ZFHX3: variants seen among roughly 807,000 people sequenced by gnomAD.
ZFHX3 encodes zinc finger homeobox protein 3.
In ZFHX3, 42 loss-of-function variants were observed where a neutral mutation model predicts 279.1. That is an observed-to-expected ratio of 0.15 (90% confidence interval 0.12 to 0.19). The LOEUF (loss-of-function observed/expected upper bound fraction) is 0.19. Among genes scored for constraint, ZFHX3 ranks in the 10% least tolerant of loss-of-function variants. The pLI is 1.00. For synonymous variants in ZFHX3, 2,293 were observed against 1,957.8 expected (o/e 1.17, Z -4.52); for missense variants, 4,981 against 4,754.0 (o/e 1.05, Z -1.40).
chr16:73,241,156 A>G (rs890090102), intron 5 of ZFHX3, among the ~76,000 whole-genome samples: 16 of 152,346 alleles, frequency 1.1e-4, no homozygotes, highest in African/African-American at 3.4e-4. Context: ...GCGAAATGAC[A>G]GATGACTCAC....
At chr16:72,991,712 AGACTTGTCCAT>A (rs1597064005) in intron 1 of ZFHX3, among the ~76,000 whole-genome samples, 1 of 152,216 alleles carries the variant, frequency 6.6e-6, no homozygotes, top group East Asian at 1.9e-4. Flanking sequence ...AGAAGCAGAG[AGACTTGTCCAT>A]GGTCACACAC....
At chr16:73,107,843 C>A (rs1442671324) in intron 7 of ZFHX3, among the ~76,000 whole-genome samples, 1 of 152,142 alleles carries the variant, frequency 6.6e-6, no homozygotes, top group African/African-American at 2.4e-5. Context: ...AGTGAGACTT[C>A]GTCTCTACAG....
chr16:72,966,431 G>C (rs1176383274), intron 1 of ZFHX3, among the ~76,000 whole-genome samples: 1 of 152,208 alleles, frequency 6.6e-6, no homozygotes, highest in Non-Finnish European at 1.5e-5. Context: ...AAAATATCTA[G>C]GAGTTTTACT....
chr16:73,733,396 G>A (rs2053584725), intron 1 of ZFHX3, among the ~76,000 whole-genome samples: 2 of 152,100 alleles, frequency 1.3e-5, no homozygotes, highest in African/African-American at 2.4e-5. Context: ...TCAAATGACT[G>A]GTTTTTCTCA....
chr16:72,874,198 ATTTTTTTTTTT>A lies in ZFHX3; in HGVS notation c.3448+15522_3448+15532del, dbSNP rs565664402. Among the ~76,000 whole-genome samples, 20 of 95,132 alleles carry A rather than the reference ATTTTTTTTTTT, an allele frequency of 2.1e-4. 1 individual carries two copies. The highest frequency in any genetic ancestry group is 1.7e-4 in the Non-Finnish European group (9 of 51,880). The allele number at this position is 95,132 out of a possible 152,430, so 62.4% of individuals were successfully genotyped here. On this transcript the variant is annotated intron_variant, in intron 4 of 9. Transcript: ENST00000268489. ...TGGAGCTCAGATGGAGGATTTTTTGATTTTTTTTTTTTTTTTTTTTTTTTTTTTGAGACAGT... is the reference window on the plus strand; with the variant it reads ...TGGAGCTCAGATGGAGGATTTTTTGATTTTTTTTTTTTTTTTTGAGACAGT...
chr16:73,793,158 T>A (rs388742), intron 1 of ZFHX3, among the ~76,000 whole-genome samples: 78,746 of 151,994 alleles, frequency 0.52, 22,028 homozygotes, highest in African/African-American at 0.75. Context: ...CTTCCTTCTG[T>A]CCCTCTGTAC....
intron 2 of ZFHX3, among the ~76,000 whole-genome samples, chr16:73,539,408 T>A (rs1357747414): frequency 8.0e-5 from 12 of 150,656 alleles, no homozygotes; most frequent in African/African-American, 1.9e-4. Flanking sequence ...TCTCTTTTTT[T>A]AAATTTTTTT....
At chr16:73,249,947 C>T (rs1490653116) in intron 5 of ZFHX3, among the ~76,000 whole-genome samples, 4 of 152,166 alleles carry the variant, frequency 2.6e-5, no homozygotes. Flanking sequence ...ACATTGAAGT[C>T]TCACAATAAC....
At chr16:73,788,406 T>C (rs1181696584) in intron 1 of ZFHX3, among the ~76,000 whole-genome samples, 1 of 152,214 alleles carries the variant, frequency 6.6e-6, no homozygotes, top group Non-Finnish European at 1.5e-5. Context: ...GTCCTTGGAC[T>C]CCTCAGAAGA....
intron 1 of ZFHX3, among the ~76,000 whole-genome samples, chr16:73,681,482 TG>T (rs2053009104): frequency 6.6e-6 from 1 of 152,102 alleles, no homozygotes; most frequent in African/African-American, 2.4e-5. Context: ...TAATCCAAAA[TG>T]GGGAGAAAGC....
chr16:73,176,224 A>G (rs1175814852), intron 5 of ZFHX3, among the ~76,000 whole-genome samples: 2 of 152,220 alleles, frequency 1.3e-5, no homozygotes, highest in Non-Finnish European at 2.9e-5. Flanking sequence ...GAATAAGTTC[A>G]ATGACTAATG....
intron 3 of ZFHX3, among the ~76,000 whole-genome samples, chr16:73,321,834 A>G (rs1284119868): frequency 6.8e-6 from 1 of 147,694 alleles, no homozygotes. Context: ...GGTAAATTGT[A>G]TGTAGAGAAA....
intron 1 of ZFHX3, among the ~76,000 whole-genome samples, chr16:73,030,294 G>A (rs1324824178): frequency 6.6e-6 from 1 of 152,200 alleles, no homozygotes; most frequent in South Asian, 2.1e-4. Context: ...TCATAGCACG[G>A]AGACAGATCC....
At chr16:73,412,397 C>A (rs1027965419) in intron 3 of ZFHX3, among the ~76,000 whole-genome samples, 1 of 151,828 alleles carries the variant, frequency 6.6e-6, no homozygotes, top group Non-Finnish European at 1.5e-5. Context: ...TGCACTAGTG[C>A]ACACTGTACC....
intron 7 of ZFHX3, among the ~76,000 whole-genome samples, chr16:73,119,103 C>G (rs1019427717): frequency 1.2e-5 from 1 of 81,802 alleles, no homozygotes; most frequent in Non-Finnish European, 2.5e-5. Context: ...TTTTAAAATT[C>G]TTTTATTTTT....
rs760180670 is a variant in ZFHX3 at position 72,796,567 on chromosome 16, G to A, written c.6115C>T (p.Pro2039Ser). 1.9e-6 allele frequency: 3 copies of A among 1,612,124 alleles called. No individual in the cohort carries two copies. In the South Asian group the frequency reaches 3.3e-5, roughly 18 times the overall value. The part of the protein sequence containing the change: ...LYPLRPQTPE[P>S]PPPPPPPPPP... ...GGGGGTGGAGGGGGAGGTGGTGGTG[G>A]CTCTGGGGTCTGGGGCCTCAGTGGG... Residue 2039 changes from proline to serine, a missense_variant, in exon 9 of 10, where the codon CCA becomes TCA. By Grantham distance (74) the Pro-to-Ser change is moderately conservative (BLOSUM62 -1). Around this residue, in one of 7 missense-constraint regions of ZFHX3, gnomAD observed 1,751 missense variants for 1,770.0 expected, o/e 0.99. Transcript: ENST00000268489.
chr16:73,054,717 A>T (rs1231272686), intron 1 of ZFHX3, among the ~76,000 whole-genome samples: 1 of 152,124 alleles, frequency 6.6e-6, no homozygotes, highest in Non-Finnish European at 1.5e-5. Context: ...TCTGCCGACC[A>T]TATTCACAGC....
chr16:73,403,066 G>A (rs149557744), intron 3 of ZFHX3, among the ~76,000 whole-genome samples: 18 of 151,866 alleles, frequency 1.2e-4, no homozygotes, highest in Non-Finnish European at 2.2e-4. Flanking sequence ...GTACACGTGT[G>A]CATGTGTGTG....
At position 73,605,291 on chromosome 16, in the gene ZFHX3, T is replaced by C. The variant is rs545524124; in HGVS notation, c.-1547+74889A>G. Among the ~76,000 whole-genome samples the C allele has an allele frequency of 5.3e-5, 8 of 152,328 alleles. No homozygotes were observed. In the East Asian group the frequency reaches 1.5e-3, roughly 29 times the overall value. On this transcript the variant is annotated intron_variant, in intron 2 of 17. Transcript: ENST00000641206. ...AAGAAGCTCGCTGAAAACCTCATCG[T>C]GGAAGGAGTAAGAAATTAAACACGA...
Sources: allele counts gnomAD v4.1 joint callset (sites outside exome capture counted in the v4.1 genomes callset), GRCh38; gene constraint gnomAD v4.1.1; regional missense constraint gnomAD v4.1.1; transcripts MANE v1.5; gene names NCBI Gene and HGNC (gene_info 2026-07-23, HGNC 2026-07-21).